Variants in DPP10 observed in about 807,000 individuals in gnomAD.
The protein encoded by DPP10 is inactive dipeptidyl peptidase 10.
In DPP10, 33 loss-of-function variants were observed where a neutral mutation model predicts 120.9. That is an observed-to-expected ratio of 0.27 (90% CI 0.21 to 0.37). The LOEUF (loss-of-function observed/expected upper bound fraction) is 0.37. Among genes scored for constraint, DPP10 ranks in the 10% least tolerant of loss-of-function variants. The pLI is 1.00. For missense variants in DPP10, 816 were observed against 942.8 expected, an observed-to-expected ratio of 0.87 and a Z score of 1.76; for synonymous variants, 337 against 326.1, an observed-to-expected ratio of 1.03 and a Z score of -0.36.
intron 1 of DPP10, among the ~76,000 whole-genome samples, chr2:114,554,662 A>G (rs1310606922): frequency 6.6e-6 from 1 of 152,216 alleles, no homozygotes. Context: ...TAGAGAACAC[A>G]CTATCTAATA....
At position 114,507,815 on chromosome 2, in the gene DPP10, A is replaced by G. The variant is rs138354749; in HGVS notation, c.60+64977A>G. 1.6e-3 allele frequency among the ~76,000 whole-genome samples: 251 copies of G among 152,344 alleles called. 6 individuals carry two copies. Among genetic ancestry groups the G allele is most frequent in the Middle Eastern group, 0.014 (4 of 294 alleles). On this transcript the variant is annotated intron_variant, in intron 1 of 25. Coordinates refer to ENST00000410059, the MANE Select transcript of DPP10 (RefSeq NM_020868.6). ...ATAACCCCTACTCTGCAGGGTTGCT[A>G]TAAGAATTAAATTCAATAATGCATA... is the stretch of plus-strand genomic sequence containing the variant.
chr2:114,983,349 C>CA (rs1700201815), intron 1 of DPP10, among the ~76,000 whole-genome samples: 1 of 152,140 alleles, frequency 6.6e-6, no homozygotes, highest in African/African-American at 2.4e-5. Context: ...CTTCTTGCTT[C>CA]TGTATTAACT....
chr2:114,740,870 A>C (rs1677985698), intron 1 of DPP10, among the ~76,000 whole-genome samples: 1 of 152,192 alleles, frequency 6.6e-6, no homozygotes, highest in Non-Finnish European at 1.5e-5. Context: ...TGTAGTATAT[A>C]CTGTACCTGA....
chr2:115,814,893 G>A lies in DPP10; in HGVS notation c.1801G>A (p.Gly601Ser), dbSNP rs76210053. Residue 601 changes from glycine (G) to serine (S), a missense_variant, in exon 20 of 26, where the codon GGC becomes AGC. Physicochemically the swap from Gly to Ser is moderately conservative, Grantham distance 56. Coordinates refer to ENST00000410059, the MANE Select transcript of DPP10 (RefSeq NM_020868.6). Reference protein sequence around the residue: ...MDNVIVARFDGRGSGFQGLKI... With the variant: ...MDNVIVARFDSRGSGFQGLKI... ...TAATGTCATTGTAGCAAGATTTGAT[G>A]GCAGAGGAAGTGGATTCCAGGGTCT... 2,225 of 1,612,040 alleles carry A rather than the reference G, an allele frequency of 1.4e-3. 40 individuals carry two copies. In the African/African-American group the frequency reaches 0.027, roughly 19 times the overall value.
At chr2:114,799,315 A>C (rs1683988804) in intron 1 of DPP10, among the ~76,000 whole-genome samples, 1 of 152,180 alleles carries the variant, frequency 6.6e-6, no homozygotes, top group Non-Finnish European at 1.5e-5. Context: ...CACACAATGC[A>C]TGCTGCTCTT....
intron 1 of DPP10, chr2:115,066,555 C>A (rs574209883): frequency 5.3e-4 from 80 of 152,168 alleles, no homozygotes; most frequent in African/African-American, 1.8e-3. Context: ...AATTTGCCTT[C>A]AATGTAAAGC....
At chr2:114,629,513 T>C (rs1694762164) in intron 1 of DPP10, among the ~76,000 whole-genome samples, 1 of 152,136 alleles carries the variant, frequency 6.6e-6, no homozygotes, top group East Asian at 1.9e-4. Flanking sequence ...TTAAAATGGG[T>C]GATAACATTT....
At chr2:115,516,034 T>G (rs757253349) in intron 4 of DPP10, among the ~76,000 whole-genome samples, 5 of 152,132 alleles carry the variant, frequency 3.3e-5, no homozygotes, top group Non-Finnish European at 7.4e-5. Flanking sequence ...TTGGTGAACA[T>G]TTCTGAGAAA....
intron 1 of DPP10, among the ~76,000 whole-genome samples, chr2:114,632,638 G>A (rs143436211): frequency 0.022 from 3,154 of 146,144 alleles, 110 homozygotes; most frequent in African/African-American, 0.074. Context: ...TCAGCCTCCC[G>A]AATAGCTGGG....
chr2:115,505,618 A>G (rs2076900460), intron 4 of DPP10, among the ~76,000 whole-genome samples: 1 of 152,138 alleles, frequency 6.6e-6, no homozygotes. Flanking sequence ...TAGTTTAAAC[A>G]TTTGATGGAT....
chr2:114,896,873 T>A (rs1169528745), intron 1 of DPP10, among the ~76,000 whole-genome samples: 1 of 152,194 alleles, frequency 6.6e-6, no homozygotes, highest in Admixed American at 6.5e-5. Context: ...GCTGTGGGTT[T>A]GTCATAGATA....
chr2:115,030,707 A>G lies in DPP10; in HGVS notation c.61-278532A>G, dbSNP rs1315315872. Among the ~76,000 whole-genome samples the G allele has an allele frequency of 2.0e-5, 3 of 152,152 alleles. No individual in the cohort carries two copies. In the East Asian group the frequency reaches 5.8e-4, roughly 29 times the overall value. ...ATGTGTCCATGTGTTCTCATCATTC[A>G]GTTCCCACTTATAAGTGAGAACATG... On this transcript the variant is annotated intron_variant, in intron 1 of 25. Transcript: ENST00000410059.
chr2:114,930,018 C>T (rs1574507132), intron 1 of DPP10, among the ~76,000 whole-genome samples: 1 of 152,302 alleles, frequency 6.6e-6, no homozygotes, highest in Admixed American at 6.5e-5. Flanking sequence ...GGAGCAGTAT[C>T]CCAGGGAGGC....
intron 1 of DPP10, among the ~76,000 whole-genome samples, chr2:114,879,694 T>A (rs1038587343): frequency 1.3e-5 from 2 of 151,598 alleles, no homozygotes; most frequent in Non-Finnish European, 2.9e-5. Flanking sequence ...TGACAGAAAA[T>A]TGAAAGAAAA....
At chr2:115,699,325 T>C (rs1209369287) in intron 7 of DPP10, among the ~76,000 whole-genome samples, 1 of 152,158 alleles carries the variant, frequency 6.6e-6, no homozygotes, top group Non-Finnish European at 1.5e-5. Flanking sequence ...GCTTCATGGG[T>C]GAATTCTACT....
chr2:114,941,829 C>G (rs1182597324), intron 1 of DPP10, among the ~76,000 whole-genome samples: 1 of 152,124 alleles, frequency 6.6e-6, no homozygotes, highest in Non-Finnish European at 1.5e-5. Context: ...CTGTGATGAT[C>G]TCTATAGGGG....
At chr2:114,655,701 C>G (rs1696917093) in intron 1 of DPP10, among the ~76,000 whole-genome samples, 1 of 152,048 alleles carries the variant, frequency 6.6e-6, no homozygotes, top group Admixed American at 6.6e-5. Context: ...TTAAAGCATT[C>G]AGCTTACATA....
chr2:114,841,866 C>A (rs1384640700), intron 1 of DPP10, among the ~76,000 whole-genome samples: 2 of 151,914 alleles, frequency 1.3e-5, no homozygotes, highest in Non-Finnish European at 2.9e-5. Context: ...GTGGAGACAC[C>A]CGGCACTCAT....
chr2:114,939,503 T>C (rs1441121039), intron 1 of DPP10, among the ~76,000 whole-genome samples: 1 of 152,188 alleles, frequency 6.6e-6, no homozygotes, highest in African/African-American at 2.4e-5. Context: ...TAGATATGAC[T>C]ATCGGGATGC....
Sources: allele counts gnomAD v4.1 joint callset (sites outside exome capture counted in the v4.1 genomes callset), GRCh38; gene constraint gnomAD v4.1.1; transcripts MANE v1.5; gene names NCBI Gene and HGNC (gene_info 2026-07-23, HGNC 2026-07-21).